DDX43: variants seen among roughly 807,000 people sequenced by gnomAD.
The protein encoded by DDX43 is probable ATP-dependent RNA helicase DDX43.
DDX43 carries 50 observed loss-of-function variants against 84.9 expected under a neutral mutation model. That is an observed-to-expected ratio of 0.59 (90% CI 0.47 to 0.75). DDX43 has a LOEUF of 0.75. DDX43 is among the 30% of genes least tolerant of loss of function. The pLI is 0.00. For missense variants in DDX43, 689 were observed against 798.6 expected, an observed-to-expected ratio of 0.86 and a Z score of 1.65; for synonymous variants, 291 against 266.3, an observed-to-expected ratio of 1.09 and a Z score of -0.90.
chr6:73,408,200 C>G lies in DDX43; in HGVS notation c.1179+99C>G, dbSNP rs184382893. 38 of 1,242,068 alleles carry G rather than the reference C, an allele frequency of 3.1e-5. No homozygotes were observed. The East Asian group carries it at 6.0e-4, about 20-fold the overall frequency. 76.9% of individuals were successfully genotyped at this position (1,242,068 alleles called of 1,614,324 possible). A position where few individuals can be genotyped will look rare whatever the true frequency, so the allele number is the denominator to read the frequency against. On this transcript the variant is annotated intron_variant, in intron 9 of 16. Transcript: ENST00000370336. The stretch of plus-strand genomic sequence containing the variant: ...CTGTAATCCGAGCACTTTGGGAGGC[C>G]GAGGCAGGTGGATCACCTAAGGTCA...
intron 13 of DDX43, 53 bp downstream of exon 13, chr6:73,414,132 G>C (rs1769858585): frequency 8.8e-7 from 1 of 1,131,238 alleles, no homozygotes; most frequent in South Asian, 1.3e-5. Context: ...GCAATACCTG[G>C]GCTTGGCTGA....
chr6:73,412,723 T>C (rs1462354761), intron 11 of DDX43, among the ~76,000 whole-genome samples: 2 of 61,132 alleles, frequency 3.3e-5, no homozygotes, highest in African/African-American at 5.6e-5. Context: ...GCAAGTGATA[T>C]ATAGCGTGTG....
intron 6 of DDX43, 107 bp from the exon 7 acceptor site, chr6:73,406,257 G>A (rs1769681271): frequency 1.5e-6 from 1 of 687,714 alleles, no homozygotes; most frequent in Admixed American, 2.5e-5. Flanking sequence ...CCCGACCTCA[G>A]GAGATCTGCC....
intron 5 of DDX43, 29 bp downstream of exon 5, chr6:73,404,800 A>G: frequency 1.3e-6 from 2 of 1,547,214 alleles, no homozygotes; most frequent in Non-Finnish European, 1.8e-6. Context: ...TAGTTGTGTA[A>G]GTATTTGTAT....
At chr6:73,413,634 A>T (rs758365506) in intron 11 of DDX43, 24 bp from the exon 12 acceptor site, 1 of 1,607,768 alleles carries the variant, frequency 6.2e-7, no homozygotes, top group South Asian at 1.1e-5. Flanking sequence ...GACCTTGATG[A>T]ACTATGTTCT....
At position 73,408,084 on chromosome 6, in the gene DDX43, A is replaced by C. The variant is rs767209509; in HGVS notation, c.1162A>C (p.Lys388Gln). 6.2e-7 allele frequency: 1 copy of C among 1,614,012 alleles called. No individual in the cohort carries two copies. The highest frequency in any genetic ancestry group is 1.1e-5 in the South Asian group (1 of 91,074). ...DLQMSNFVNL[K>Q]NITYLVLDEA... ...GCAAATGAGTAACTTCGTCAATCTG[A>C]AGAATATAACCTACTTGGTAATCAT... Residue 388 changes from lysine to glutamine, a missense_variant, in exon 9 of 17, where the codon AAG becomes CAG. By Grantham distance (53) the Lys-to-Gln change is moderately conservative (BLOSUM62 1). Around this residue, in one of 2 missense-constraint regions of DDX43, gnomAD observed 552 missense variants for 692.7 expected, o/e 0.80. Coordinates refer to ENST00000370336, the MANE Select transcript of DDX43 (RefSeq NM_018665.3).
intron 10 of DDX43, among the ~76,000 whole-genome samples, chr6:73,411,263 C>T (rs1339279605): frequency 1.4e-5 from 2 of 147,810 alleles, no homozygotes; most frequent in African/African-American, 2.5e-5. Flanking sequence ...ATTTTTTTGT[C>T]GTTTATAAAG....
intron 10 of DDX43, among the ~76,000 whole-genome samples, chr6:73,410,924 C>T (rs1300894536): frequency 2.0e-5 from 3 of 151,966 alleles, no homozygotes; most frequent in African/African-American, 7.2e-5. Flanking sequence ...CCGTGGCTCA[C>T]GCCTGTAATC....
intron 1 of DDX43, among the ~76,000 whole-genome samples, chr6:73,395,739 G>T (rs504218): frequency 5.3e-5 from 8 of 151,856 alleles, no homozygotes; most frequent in Non-Finnish European, 8.8e-5. Context: ...CTTAGAACAG[G>T]CCTTTTAACA....
intron 9 of DDX43, among the ~76,000 whole-genome samples, chr6:73,408,500 A>G (rs1478328338): frequency 6.6e-6 from 1 of 152,110 alleles, no homozygotes; most frequent in East Asian, 1.9e-4. Flanking sequence ...TAATAGTTTT[A>G]ATCAACTCCC....
chr6:73,412,668 T>TGTGTGTGTGTGTGTGTGTGTGCGC (rs538597626), intron 11 of DDX43, among the ~76,000 whole-genome samples: 51 of 108,440 alleles, frequency 4.7e-4, no homozygotes, highest in African/African-American at 1.3e-3. Context: ...TGTGTGTGTG[T>TGTGTGTGTGTGTGTGTGTGTGCGC]GCGCGCGCGC....
intron 10 of DDX43, among the ~76,000 whole-genome samples, chr6:73,411,737 G>A (rs552071644): frequency 1.3e-5 from 2 of 151,996 alleles, no homozygotes; most frequent in Non-Finnish European, 2.9e-5. Flanking sequence ...CGCTTTTGTT[G>A]CGGTGGCTGG....
rs372223699 is a variant in DDX43 at position 73,414,655 on chromosome 6, G to A, written c.1714G>A (p.Val572Ile). The A allele has an allele frequency of 5.6e-6, 9 of 1,613,784 alleles. No homozygotes were observed. The highest frequency in any genetic ancestry group is 4.0e-5 in the African/African-American group (3 of 74,996). ...FDFPRNIEEY[V>I]HRIGRTGRAG... ...CTTTCCACGGAATATTGAAGAATAC[G>A]TACACCGAATAGGGCGCACGGGAAG... The change falls in exon 14 of 17, where the codon GTA becomes ATA. Residue 572 changes from valine to isoleucine, a missense_variant. By Grantham distance (29) the Val-to-Ile change is conservative (BLOSUM62 3). This residue lies in a region of DDX43 where 552 missense variants were observed against 692.7 expected (regional missense o/e 0.80). Transcript: ENST00000370336.
intron 3 of DDX43, 149 bp from the exon 4 acceptor site, chr6:73,401,710 G>C (rs986453861): frequency 1.1e-5 from 7 of 662,308 alleles, no homozygotes; most frequent in African/African-American, 1.9e-5. Flanking sequence ...GCTGAGGCAA[G>C]AGAATGGCGG....
At chr6:73,401,607 C>T (rs1430296185) in intron 3 of DDX43, among the ~76,000 whole-genome samples, 2 of 151,982 alleles carry the variant, frequency 1.3e-5, no homozygotes, top group African/African-American at 4.8e-5. Flanking sequence ...TCGAGACCAT[C>T]CTGGCTAACA....
At chr6:73,416,472 G>A (rs914103132) in intron 16 of DDX43, among the ~76,000 whole-genome samples, 5 of 151,934 alleles carry the variant, frequency 3.3e-5, no homozygotes, top group African/African-American at 1.2e-4. Context: ...AATAGTCAAG[G>A]GTATACAACC....
In DDX43 at chr6:73,406,630, G is replaced by A. The variant is rs920781664; in HGVS notation, c.926+148G>A. On this transcript the variant is annotated intron_variant, in intron 7 of 16. Transcript: ENST00000370336. ...GCAAGGAATTAAACACTTAGATTGTGCTGGTGAAAGTATAAACTGGCAAAA... is the reference window on the plus strand; with the variant it reads ...GCAAGGAATTAAACACTTAGATTGTACTGGTGAAAGTATAAACTGGCAAAA... The A allele has an allele frequency of 1.2e-4, 67 of 567,250 alleles. No individual in the cohort carries two copies. In the East Asian group the frequency reaches 2.1e-3, roughly 18 times the overall value. 35.1% of individuals were successfully genotyped at this position (567,250 alleles called of 1,614,324 possible).
intron 1 of DDX43, among the ~76,000 whole-genome samples, chr6:73,396,498 A>C (rs746224801): frequency 6.6e-5 from 10 of 152,214 alleles, no homozygotes; most frequent in African/African-American, 1.2e-4. Context: ...TCCAAGAAAG[A>C]AAGCCACTAG....
intron 9 of DDX43, 105 bp downstream of exon 9, chr6:73,408,206 A>C: frequency 8.6e-7 from 1 of 1,159,744 alleles, no homozygotes; most frequent in Non-Finnish European, 1.2e-6. Context: ...AGGCCGAGGC[A>C]GGTGGATCAC....
Sources: gnomAD v4.1 joint callset for allele counts (sites outside exome capture counted in the v4.1 genomes callset) on GRCh38, gnomAD v4.1.1 for gene constraint, gnomAD v4.1.1 regional missense constraint, MANE v1.5 for transcripts, NCBI Gene and HGNC (gene_info 2026-07-23, HGNC 2026-07-21) for gene names.